ADGB: variants seen among roughly 807,000 people sequenced by gnomAD.
ADGB encodes the protein calpain-7-like protein.
Under a neutral mutation model 210.5 loss-of-function variants are expected in ADGB, and 172 were observed. The observed-to-expected ratio is 0.82, with a 90% CI of 0.72 to 0.93. The LOEUF is 0.93. Among genes scored for constraint, ADGB ranks in the 40% least tolerant of loss-of-function variants. ADGB has a pLI of 0.00. For missense variants in ADGB, 2,025 were observed against 1,964.8 expected (o/e 1.03, Z -0.58); for synonymous variants, 658 against 662.7 (o/e 0.99, Z 0.11).
At chr6:146,627,855 C>A (rs1781000614) in intron 1 of ADGB, among the ~76,000 whole-genome samples, 1 of 152,128 alleles carries the variant, frequency 6.6e-6, no homozygotes, top group African/African-American at 2.4e-5. Flanking sequence ...CCTGTGTTAC[C>A]TTGCAATCTG....
chr6:146,619,987 TG>T (rs1780865433), intron 1 of ADGB, among the ~76,000 whole-genome samples: 1 of 132,922 alleles, frequency 7.5e-6, no homozygotes, highest in Non-Finnish European at 1.7e-5. Flanking sequence ...CCTCAGCCTT[TG>T]TTTGTCTGGG....
At chr6:146,668,393 T>A (rs1333728646) in intron 7 of ADGB, among the ~76,000 whole-genome samples, 1 of 152,086 alleles carries the variant, frequency 6.6e-6, no homozygotes, top group African/African-American at 2.4e-5. Flanking sequence ...TTCAGCAGGA[T>A]AAACTTGGGT....
rs974449502 is a variant in ADGB at position 146,604,497 on chromosome 6, G to C, written c.74+5383G>C. ...AAGGCTTTTGGTCTCCCTGGGAGTG[G>C]GTGGAGGCAGCCAGGGCTTACCTGT... On this transcript the variant is annotated intron_variant, in intron 1 of 35. Transcript: ENST00000397944. Among the ~76,000 whole-genome samples, 3 of 152,016 alleles carry C rather than the reference G, an allele frequency of 2.0e-5. No individual in the cohort carries two copies. The East Asian group carries it at 5.8e-4, about 29-fold the overall frequency.
intron 14 of ADGB, 140 bp from the exon 15 acceptor site, chr6:146,716,743 A>T: frequency 1.4e-6 from 1 of 706,730 alleles, no homozygotes; most frequent in Non-Finnish European, 2.2e-6. Flanking sequence ...GGACCTCCAT[A>T]AATGTATGAA....
chr6:146,703,185 T>G (rs1231908221), intron 13 of ADGB, among the ~76,000 whole-genome samples: 1 of 151,942 alleles, frequency 6.6e-6, no homozygotes, highest in Non-Finnish European at 1.5e-5. Flanking sequence ...TGGAGACTTA[T>G]TCTTTATTAG....
In ADGB at chr6:146,769,133, T is replaced by C. The variant is rs1777617362; in HGVS notation, c.3862+2T>C. The C allele has an allele frequency of 1.4e-6, 2 of 1,462,106 alleles. No homozygotes were observed. Among genetic ancestry groups the C allele is most frequent in the Non-Finnish European group, 1.9e-6 (2 of 1,073,328 alleles). The allele number at this position is 1,462,106 out of a possible 1,614,324, so 90.6% of individuals were successfully genotyped here. On this transcript the variant is annotated splice_donor_variant, in intron 29 of 35. Coordinates refer to ENST00000397944, the MANE Select transcript of ADGB (RefSeq NM_024694.4). LOFTEE classifies it high-confidence loss of function. The stretch of plus-strand genomic sequence containing the variant: ...ACTTAAAGAAAAGTAATACCAAAGG[T>C]ATGTCACCCTAAATGTTTAAACATG...
At chr6:146,679,807 A>G (rs1409733805) in intron 9 of ADGB, among the ~76,000 whole-genome samples, 1 of 152,340 alleles carries the variant, frequency 6.6e-6, no homozygotes, top group African/African-American at 2.4e-5. Flanking sequence ...GCAAATAATG[A>G]CATTAATTAC....
intron 23 of ADGB, among the ~76,000 whole-genome samples, chr6:146,737,366 A>G (rs1378237842): frequency 2.6e-5 from 4 of 152,224 alleles, no homozygotes; most frequent in Non-Finnish European, 4.4e-5. Context: ...TAATATGTCA[A>G]TAAAAAGTAT....
rs1221282671 is a variant in ADGB, at chr6:146,660,995, G to A, written c.613-3206G>A. 2.0e-5 allele frequency among the ~76,000 whole-genome samples: 3 copies of A among 151,908 alleles called. No homozygotes were observed. In the South Asian group the frequency reaches 6.3e-4, roughly 32 times the overall value. On this transcript the variant is annotated intron_variant, in intron 5 of 35. Coordinates refer to ENST00000397944, the MANE Select transcript of ADGB (RefSeq NM_024694.4). Reference sequence around the variant, plus strand: ...TCCTTTACTCCTGTATGTTTCTTGGGCATTCCTTAGGATTCCATTTTGATT... The same window carrying A: ...TCCTTTACTCCTGTATGTTTCTTGGACATTCCTTAGGATTCCATTTTGATT...
intron 10 of ADGB, among the ~76,000 whole-genome samples, chr6:146,689,432 A>G (rs1776272719): frequency 6.6e-6 from 1 of 152,132 alleles, no homozygotes; most frequent in African/African-American, 2.4e-5. Flanking sequence ...TGCCAAAATC[A>G]TGTTAGTACT....
At chr6:146,699,827 A>T (rs557338238) in intron 12 of ADGB, among the ~76,000 whole-genome samples, 32 of 152,296 alleles carry the variant, frequency 2.1e-4, no homozygotes, top group Middle Eastern at 3.4e-3. Context: ...CCAGCCTTTT[A>T]GAATCTCTAT....
Position 146,801,288 on chromosome 6 carries a change from T to G in ADGB, c.4634+9T>G. The stretch of plus-strand genomic sequence containing the variant: ...TTAAGTCAATATGTTCGGTAAGTTT[T>G]CATAAACATGATTGATGCAGACAAC... On this transcript the variant is annotated intron_variant, in intron 34 of 35. Transcript: ENST00000397944. 1 of 1,424,612 alleles carries G rather than the reference T, an allele frequency of 7.0e-7. No homozygotes were observed. Among genetic ancestry groups the G allele is most frequent in the Non-Finnish European group, 9.4e-7 (1 of 1,064,836 alleles). 88.2% of individuals were successfully genotyped at this position (1,424,612 alleles called of 1,614,324 possible).
chr6:146,624,863 C>A (rs1179596108), intron 1 of ADGB, among the ~76,000 whole-genome samples: 1 of 151,828 alleles, frequency 6.6e-6, no homozygotes, highest in African/African-American at 2.4e-5. Context: ...ATTTATATTT[C>A]AAATATCTTA....
intron 1 of ADGB, among the ~76,000 whole-genome samples, chr6:146,601,054 A>G (rs1370224938): frequency 6.6e-6 from 1 of 151,928 alleles, no homozygotes; most frequent in Admixed American, 6.6e-5. Flanking sequence ...GACTTTAATG[A>G]GTTTATATCC....
intron 12 of ADGB, among the ~76,000 whole-genome samples, chr6:146,697,669 T>C (rs1477615022): frequency 6.6e-6 from 1 of 152,138 alleles, no homozygotes; most frequent in South Asian, 2.1e-4. Flanking sequence ...ACGTTGAACA[T>C]GACCAACGTA....
chr6:146,781,039 A>T (rs928740226), intron 29 of ADGB, among the ~76,000 whole-genome samples: 2 of 151,994 alleles, frequency 1.3e-5, no homozygotes, highest in African/African-American at 4.8e-5. Context: ...ATAAGAAATA[A>T]ATTGGAGGCC....
At chr6:146,621,386 G>C (rs1440673850) in intron 1 of ADGB, among the ~76,000 whole-genome samples, 1 of 152,104 alleles carries the variant, frequency 6.6e-6, no homozygotes, top group African/African-American at 2.4e-5. Flanking sequence ...AGGTAGTTCA[G>C]CTTTCCTGGT....
intron 35 of ADGB, among the ~76,000 whole-genome samples, chr6:146,812,448 T>C (rs1002456363): frequency 6.6e-5 from 10 of 152,240 alleles, no homozygotes; most frequent in African/African-American, 2.4e-4. Flanking sequence ...ATACATTTCT[T>C]TAAAGGGGGG....
intron 25 of ADGB, among the ~76,000 whole-genome samples, chr6:146,743,527 T>G (rs771537477): frequency 2.0e-5 from 3 of 152,208 alleles, no homozygotes; most frequent in Non-Finnish European, 4.4e-5. Flanking sequence ...ACTTAACTAT[T>G]ATTTTTAAGT....
Sources: allele counts gnomAD v4.1 joint callset (sites outside exome capture counted in the v4.1 genomes callset), GRCh38; gene constraint gnomAD v4.1.1; transcripts MANE v1.5; gene names NCBI Gene and HGNC (gene_info 2026-07-23, HGNC 2026-07-21).